The following APOC1 variants were observed in gnomAD, a reference collection of about 807,000 sequenced individuals.
APOC1 encodes apolipoprotein C1.
A neutral mutation model predicts 6.7 loss-of-function variants in APOC1; 4 were observed. The ratio of observed to expected loss-of-function variants is 0.60; its 90% CI spans 0.29 to 1.37. The LOEUF is 1.37. Among genes scored for constraint, APOC1 ranks in the 40% most tolerant of loss-of-function variants. APOC1 has a pLI of 0.09. For synonymous variants in APOC1, 33 were observed against 40.6 expected, an observed-to-expected ratio of 0.81 and a Z score of 0.72; for missense variants, 122 against 99.4, an observed-to-expected ratio of 1.23 and a Z score of -0.97.
chr19:44,918,337 CT>C (rs1200008263), intron 3 of APOC1, among the ~76,000 whole-genome samples: 55,090 of 90,612 alleles, frequency 0.61, 14,040 homozygotes, highest in Admixed American at 0.63. Flanking sequence ...TGAAGTGTTT[CT>C]TTTTTTTTTT....
chr19:44,915,164 T>C (rs1237819364), intron 2 of APOC1: 2 of 593,986 alleles, frequency 3.4e-6, no homozygotes, highest in South Asian at 3.9e-5. Flanking sequence ...CGATGACGTA[T>C]TGAGGCCCAC....
Position 44,914,909 on chromosome 19 carries a change from G to T in APOC1, c.18G>T (p.Ser6=), listed in dbSNP as rs5111. 1 of 1,613,834 alleles carries T rather than the reference G, an allele frequency of 6.2e-7. No individual in the cohort carries two copies. MRLFL[S]LPVLVVVLSI... ...GCCTCGCCATGAGGCTCTTCCTGTC[G>T]CTCCCGGTCCTGGTGGTGGTTCTGT... is the stretch of plus-strand genomic sequence containing the variant. The change falls in exon 2 of 4, where the codon TCG becomes TCT. Residue 6 remains serine, a synonymous_variant. Transcript: ENST00000592535.
intron 3 of APOC1, among the ~76,000 whole-genome samples, chr19:44,918,457 G>A (rs1231438723): frequency 1.4e-5 from 2 of 147,916 alleles, no homozygotes; most frequent in African/African-American, 5.0e-5. Context: ...CGCCTCCCGG[G>A]TTCATGCCAT....
At chr19:44,918,430 C>T (rs1386600521) in intron 3 of APOC1, among the ~76,000 whole-genome samples, 5 of 137,424 alleles carry the variant, frequency 3.6e-5, no homozygotes, top group African/African-American at 8.1e-5. Context: ...GGCCTGATCT[C>T]GGCTCACTGC....
chr19:44,915,234 G>T (rs1969983335), intron 2 of APOC1: 1 of 511,170 alleles, frequency 2.0e-6, no homozygotes, highest in Non-Finnish European at 3.6e-6. Flanking sequence ...TGGGTGGGGG[G>T]CTCTGGGAGA....
rs1379314838 is a variant in APOC1, at chr19:44,914,640, A to C, written c.-114A>C. Reference sequence around the variant, plus strand: ...CAGGGGAAGGCTCAGGAGGAGGGAGATCAACATCAACCTGCCCCGCCCCCT... The same window carrying C: ...CAGGGGAAGGCTCAGGAGGAGGGAGCTCAACATCAACCTGCCCCGCCCCCT... On this transcript the variant is annotated 5_prime_UTR_variant, in exon 1 of 4. Transcript: ENST00000592535. 1 of 528,404 alleles carries C rather than the reference A, an allele frequency of 1.9e-6. No individual in the cohort carries two copies. The highest frequency in any genetic ancestry group is 1.9e-5 in the African/African-American group (1 of 52,346). 32.7% of individuals were successfully genotyped at this position (528,404 alleles called of 1,614,324 possible).
At chr19:44,917,081 G>A (rs1970023584) in intron 3 of APOC1, among the ~76,000 whole-genome samples, 1 of 152,098 alleles carries the variant, frequency 6.6e-6, no homozygotes, top group Non-Finnish European at 1.5e-5. Flanking sequence ...GATCTTGACA[G>A]AGGGGCATTA....
Position 44,919,202 on chromosome 19 carries a change from T to G in APOC1, c.224T>G (p.Val75Gly). ...REWFSETFQK[V>G]KEKLKIDS ...TGGTTTTCAGAGACATTTCAGAAAG[T>G]GAAGGAGAAACTCAAGATTGACTCA... The change falls in exon 4 of 4, where the codon GTG becomes GGG. Residue 75 changes from valine (V) to glycine (G), a missense_variant. Val to Gly is a moderately radical substitution (Grantham distance 109). Transcript: ENST00000592535. The G allele has an allele frequency of 6.2e-7, 1 of 1,613,862 alleles. No individual in the cohort carries two copies. Among genetic ancestry groups the G allele is most frequent in the Non-Finnish European group, 8.5e-7 (1 of 1,179,854 alleles).
intron 3 of APOC1, chr19:44,918,702 C>T (rs2122165307): frequency 7.1e-6 from 1 of 140,528 alleles, no homozygotes; most frequent in South Asian, 2.2e-4. Context: ...GAGATGTACC[C>T]AGACTGGAGT....
At chr19:44,915,145 A>C (rs760141052) in intron 2 of APOC1, 196 bp downstream of exon 2, 21 of 607,550 alleles carry the variant, frequency 3.5e-5, no homozygotes, top group Middle Eastern at 4.4e-4. Flanking sequence ...GCAGGAGAGC[A>C]CTAGCAACCG....
intron 2 of APOC1, among the ~76,000 whole-genome samples, chr19:44,915,839 C>T (rs368575738): frequency 9.2e-5 from 14 of 151,908 alleles, no homozygotes; most frequent in Non-Finnish European, 1.9e-4. Context: ...TGTGGAGGCA[C>T]GCGCCTGTAG....
intron 3 of APOC1, 46 bp from the exon 4 acceptor site, chr19:44,919,127 G>A (rs1408039770): frequency 1.3e-6 from 2 of 1,540,252 alleles, no homozygotes; most frequent in African/African-American, 2.7e-5. Flanking sequence ...GGACAGCCTG[G>A]GAGGTAGCTG....
intron 3 of APOC1, among the ~76,000 whole-genome samples, chr19:44,917,878 G>T (rs1245162873): frequency 1.3e-5 from 2 of 152,032 alleles, no homozygotes; most frequent in Admixed American, 1.3e-4. Context: ...GGAGCCTGAG[G>T]CAGGAGAATC....
Position 44,919,176 on chromosome 19 carries a change from G to T in APOC1, c.198G>T (p.Glu66Asp), listed in dbSNP as rs545479140. ...CCTTCCTTATTCCTCCCCACAGGGA[G>T]TGGTTTTCAGAGACATTTCAGAAAG... ...KQSELSAKMR[E>D]WFSETFQKVK... Residue 66 changes from glutamate (E) to aspartate (D), a missense_variant, in exon 4 of 4, where the codon GAG (glutamate) becomes GAT (aspartate). By Grantham distance (45) the Glu-to-Asp change is conservative. Transcript: ENST00000592535. The T allele has an allele frequency of 5.8e-5, 94 of 1,613,750 alleles. No individual in the cohort carries two copies. Among genetic ancestry groups the T allele is most frequent in the African/African-American group, 1.6e-4 (12 of 75,046 alleles).
chr19:44,917,409 TAATA>T (rs1344475018), intron 3 of APOC1, among the ~76,000 whole-genome samples: 1 of 150,610 alleles, frequency 6.6e-6, no homozygotes. Flanking sequence ...ACCCCGTCCC[TAATA>T]GAAATGCAAA....
chr19:44,918,723 G>C (rs936905231), intron 3 of APOC1: 1 of 159,680 alleles, frequency 6.3e-6, no homozygotes, highest in South Asian at 1.8e-4. Flanking sequence ...ACAGTGGTGC[G>C]ATCTCGGCTT....
rs778438750 is a variant in APOC1, at chr19:44,916,243, A to C, written c.112A>C (p.Lys38Gln). ...PDVSSALDKLKEFGNTLEDKA... is the reference protein window; with the variant it reads ...PDVSSALDKLQEFGNTLEDKA... Reference sequence around the variant, plus strand: ...CGTCTCCAGTGCCTTGGATAAGCTGAAGGAGTTTGGAAACACACTGGAGGA... The same window carrying C: ...CGTCTCCAGTGCCTTGGATAAGCTGCAGGAGTTTGGAAACACACTGGAGGA... Residue 38 changes from lysine to glutamine, a missense_variant, in exon 3 of 4, where the codon AAG becomes CAG. Transcript: ENST00000592535. 30 of 1,613,434 alleles carry C rather than the reference A, an allele frequency of 1.9e-5. No individual in the cohort carries two copies. The highest frequency in any genetic ancestry group is 2.5e-5 in the Non-Finnish European group (30 of 1,179,896).
intron 2 of APOC1, 42 bp from the exon 3 acceptor site, chr19:44,916,148 A>AAAAAAAAAC: frequency 5.3e-6 from 8 of 1,510,034 alleles, no homozygotes; most frequent in Non-Finnish European, 7.1e-6. Flanking sequence ...AAAAAAAAAA[A>AAAAAAAAAC]AAAAAAAACA....
intron 1 of APOC1, 26 bp downstream of exon 1, chr19:44,914,759 C>T (rs2122153463): frequency 1.1e-6 from 1 of 896,028 alleles, no homozygotes; most frequent in Non-Finnish European, 1.7e-6. Flanking sequence ...CTGGGAGGGA[C>T]ACCCGCCTAC....
Sources: allele counts gnomAD v4.1 joint callset (sites outside exome capture counted in the v4.1 genomes callset), GRCh38; gene constraint gnomAD v4.1.1; transcripts MANE v1.5; gene names NCBI Gene and HGNC (gene_info 2026-07-23, HGNC 2026-07-21).